The following EVI5 variants were observed in gnomAD, a reference collection of about 807,000 sequenced individuals.
The protein encoded by EVI5 is ecotropic viral integration site 5.
Under a neutral mutation model 112.0 loss-of-function variants are expected in EVI5, and 73 were observed. That is an observed-to-expected ratio of 0.65 (90% CI 0.54 to 0.79). The LOEUF (loss-of-function observed/expected upper bound fraction) is 0.79. EVI5 is among the 30% of genes least tolerant of loss of function. The pLI, the probability that EVI5 is intolerant of heterozygous loss-of-function variation, is 0.00. For synonymous variants in EVI5, 305 were observed against 319.9 expected (o/e 0.95, Z 0.50); for missense variants, 900 against 968.8 (o/e 0.93, Z 0.94).
At chr1:92,581,963 G>T (rs958144750) in intron 18 of EVI5, among the ~76,000 whole-genome samples, 1 of 152,154 alleles carries the variant, frequency 6.6e-6, no homozygotes, top group African/African-American at 2.4e-5. Context: ...GACAAACAAG[G>T]TTCTAATGTA....
At chr1:92,785,781 A>G (rs572709376), upstream of EVI5, among the ~76,000 whole-genome samples, 53 of 152,302 alleles carry the variant, frequency 3.5e-4, no homozygotes, top group Admixed American at 2.9e-3. Flanking sequence ...TACTTTCATT[A>G]TATGTTTAGA....
chr1:92,595,323 A>T (rs9660832), intron 18 of EVI5, among the ~76,000 whole-genome samples: 1 of 150,510 alleles, frequency 6.6e-6, no homozygotes, highest in African/African-American at 2.4e-5. Context: ...GGACAAAAAA[A>T]CAAACACCGC....
At chr1:92,780,389 A>G (rs1379115441) in intron 1 of EVI5, among the ~76,000 whole-genome samples, 1 of 152,240 alleles carries the variant, frequency 6.6e-6, no homozygotes, top group Non-Finnish European at 1.5e-5. Context: ...TCAAGGCTGA[A>G]AGCCAAGGGG....
At chr1:92,539,643 A>G (rs1005070149) in intron 19 of EVI5, among the ~76,000 whole-genome samples, 1 of 151,928 alleles carries the variant, frequency 6.6e-6, no homozygotes, top group South Asian at 2.1e-4. Flanking sequence ...GACCCCATCC[A>G]TGGGCCCCAG....
At chr1:92,782,374 A>G (rs1368894265) in intron 1 of EVI5, among the ~76,000 whole-genome samples, 1 of 152,230 alleles carries the variant, frequency 6.6e-6, no homozygotes, top group Admixed American at 6.5e-5. Flanking sequence ...TAAAAATGCA[A>G]TACATATATA....
At position 92,576,715 on chromosome 1, in the gene EVI5, T is replaced by C. The variant is rs529658869; in HGVS notation, c.2071-12978A>G. Among the ~76,000 whole-genome samples the C allele has an allele frequency of 2.0e-3, 305 of 152,316 alleles. 1 individual carries two copies. The highest frequency in any genetic ancestry group is 7.0e-3 in the African/African-American group (293 of 41,562). Reference sequence around the variant, plus strand: ...GACATCTGACAGACTGCTAGCCCACTGATTCTGGTTCCTAGTTCTGTCTAT... The same window carrying C: ...GACATCTGACAGACTGCTAGCCCACCGATTCTGGTTCCTAGTTCTGTCTAT... On this transcript the variant is annotated intron_variant, in intron 18 of 19. Transcript: ENST00000684568.
chr1:92,788,506 A>AAAACAAAAC (rs1558266152), upstream of EVI5, among the ~76,000 whole-genome samples: 568 of 150,210 alleles, frequency 3.8e-3, 3 homozygotes, highest in African/African-American at 0.014. Flanking sequence ...CAAAACAAAA[A>AAAACAAAAC]AAAAACTAGG....
chr1:92,594,708 A>G (rs1433332492), intron 18 of EVI5, among the ~76,000 whole-genome samples: 1 of 151,728 alleles, frequency 6.6e-6, no homozygotes, highest in African/African-American at 2.4e-5. Context: ...ATGAACTCAA[A>G]CAAAGTTACA....
At chr1:92,711,083 A>T (rs940663804) in intron 2 of EVI5, among the ~76,000 whole-genome samples, 2 of 152,208 alleles carry the variant, frequency 1.3e-5, no homozygotes, top group Non-Finnish European at 2.9e-5. Context: ...GTATGGCAGC[A>T]TGCAGATGAT....
chr1:92,588,157 T>C (rs1274384649), intron 18 of EVI5, among the ~76,000 whole-genome samples: 2 of 152,260 alleles, frequency 1.3e-5, no homozygotes, highest in African/African-American at 4.8e-5. Context: ...CCAAACTAAA[T>C]ACCATGAATT....
chr1:92,593,414 G>A lies in EVI5; in HGVS notation c.2070+11893C>T, dbSNP rs189861232. Among the ~76,000 whole-genome samples the A allele has an allele frequency of 9.9e-5, 15 of 152,234 alleles. 1 individual carries two copies. The highest frequency in any genetic ancestry group is 4.2e-4 in the South Asian group (2 of 4,814). ...TCAATAAATTAGGTATTGATGGGAC[G>A]TATCTCAAAATAATTAGAGCTATCT... On this transcript the variant is annotated intron_variant, in intron 18 of 19. Transcript: ENST00000684568.
chr1:92,648,213 A>AAAAAAAAAAAAAC, intron 13 of EVI5, among the ~76,000 whole-genome samples: 1 of 1,842 alleles, frequency 5.4e-4, no homozygotes, highest in African/African-American at 3.2e-3. Context: ...AAAAAAAAAA[A>AAAAAAAAAAAAAC]AAAAACAAAA....
rs201270738 is a variant in EVI5 at position 92,736,452 on chromosome 1, G to A, written c.95C>T (p.Ser32Leu). Residue 32 changes from serine to leucine, a missense_variant, in exon 2 of 20, where the codon TCA (serine) becomes TTA (leucine). Physicochemically the swap from Ser to Leu is moderately radical, Grantham distance 145 (BLOSUM62 -2). Coordinates refer to ENST00000684568, the MANE Select transcript of EVI5 (RefSeq NM_001350197.2). ...STPALSPSSP[S>L]QLSPDDLELL... is the part of the protein sequence containing the mutation. ...TTCTAAGTCGTCTGGACTCAACTGT[G>A]ATGGGGAAGATGGTGAAAGGGCTGG... 4.2e-5 allele frequency: 68 copies of A among 1,613,842 alleles called. 1 individual carries two copies. The highest frequency in any genetic ancestry group is 3.5e-4 in the Admixed American group (21 of 59,990).
intron 18 of EVI5, among the ~76,000 whole-genome samples, chr1:92,573,813 T>G (rs2893217): frequency 0.92 from 140,049 of 152,040 alleles, 64,596 homozygotes; most frequent in East Asian, 0.97. Context: ...CATATGATGA[T>G]GAACTAAATA....
intron 19 of EVI5, among the ~76,000 whole-genome samples, chr1:92,515,959 C>T (rs181515357): frequency 2.6e-5 from 4 of 152,250 alleles, no homozygotes; most frequent in South Asian, 4.2e-4. Context: ...TGAGGTACAA[C>T]GTAATTTAAA....
chr1:92,768,082 A>G (rs1682903478), intron 1 of EVI5, among the ~76,000 whole-genome samples: 1 of 151,178 alleles, frequency 6.6e-6, no homozygotes. Context: ...CCTATCTCAA[A>G]AAAAAAAAAA....
At chr1:92,594,960 G>A (rs1335975422) in intron 18 of EVI5, among the ~76,000 whole-genome samples, 1 of 152,226 alleles carries the variant, frequency 6.6e-6, no homozygotes, top group Non-Finnish European at 1.5e-5. Context: ...CTTGTACACT[G>A]TTGGTGGGAC....
At chr1:92,768,002 C>T (rs886643507) in intron 1 of EVI5, among the ~76,000 whole-genome samples, 20 of 151,536 alleles carry the variant, frequency 1.3e-4, no homozygotes, top group Admixed American at 1.2e-3. Flanking sequence ...ATCACTTGAA[C>T]CTCGGAGGCG....
chr1:92,736,001 C>T (rs1407423282), intron 2 of EVI5, among the ~76,000 whole-genome samples: 2 of 151,142 alleles, frequency 1.3e-5, no homozygotes, highest in East Asian at 3.9e-4. Flanking sequence ...GGATATTTTG[C>T]TTTCTATGAA....
Sources: allele counts gnomAD v4.1 joint callset (sites outside exome capture counted in the v4.1 genomes callset), GRCh38; gene constraint gnomAD v4.1.1; transcripts MANE v1.5; gene names NCBI Gene and HGNC (gene_info 2026-07-23, HGNC 2026-07-21).